LRRC8D: variants seen among roughly 807,000 people sequenced by gnomAD.
LRRC8D encodes leucine rich repeat containing 8 VRAC subunit D.
LRRC8D carries 20 observed loss-of-function variants against 55.8 expected under a neutral mutation model. The observed-to-expected ratio is 0.36, with a 90% confidence interval of 0.25 to 0.52. LRRC8D has a LOEUF of 0.52. Among genes scored for constraint, LRRC8D ranks in the 20% least tolerant of loss-of-function variants. The pLI is 0.93. For synonymous variants in LRRC8D, 352 were observed against 377.0 expected (o/e 0.93, Z 0.77); for missense variants, 651 against 1,030.8 (o/e 0.63, Z 5.05).
chr1:89,922,801 G>A (rs1424028360), intron 2 of LRRC8D, among the ~76,000 whole-genome samples: 3 of 152,294 alleles, frequency 2.0e-5, no homozygotes, highest in Middle Eastern at 3.4e-3. Flanking sequence ...TATTTCTGTT[G>A]AAAGGCAGTT....
intron 2 of LRRC8D, among the ~76,000 whole-genome samples, chr1:89,892,462 T>C (rs1662601727): frequency 6.6e-6 from 1 of 152,184 alleles, no homozygotes; most frequent in South Asian, 2.1e-4. Context: ...TATTTAGCAC[T>C]CTAGGTGCAG....
At chr1:89,908,529 G>A (rs1197605287) in intron 2 of LRRC8D, among the ~76,000 whole-genome samples, 3 of 152,128 alleles carry the variant, frequency 2.0e-5, no homozygotes, top group African/African-American at 4.8e-5. Context: ...TGTGTGTTTA[G>A]GTCCTCAGGT....
intron 2 of LRRC8D, among the ~76,000 whole-genome samples, chr1:89,862,760 T>A (rs777674579): frequency 2.6e-5 from 4 of 152,224 alleles, no homozygotes; most frequent in Non-Finnish European, 5.9e-5. Flanking sequence ...GTCTTTTTTT[T>A]ACATTTCCTG....
At chr1:89,888,188 G>C (rs763416722) in intron 2 of LRRC8D, among the ~76,000 whole-genome samples, 1 of 152,128 alleles carries the variant, frequency 6.6e-6, no homozygotes, top group Non-Finnish European at 1.5e-5. Flanking sequence ...AATGAAAAAG[G>C]GTTACCGACT....
intron 2 of LRRC8D, among the ~76,000 whole-genome samples, chr1:89,919,908 G>A (rs1663369521): frequency 6.6e-6 from 1 of 152,118 alleles, no homozygotes; most frequent in African/African-American, 2.4e-5. Flanking sequence ...ACACTAAGTG[G>A]GGTCTATAGA....
intron 2 of LRRC8D, among the ~76,000 whole-genome samples, chr1:89,901,748 T>G (rs1383419768): frequency 6.6e-6 from 1 of 152,220 alleles, no homozygotes; most frequent in Admixed American, 6.5e-5. Context: ...AATAAAGCCG[T>G]GATCATGAGA....
intron 2 of LRRC8D, among the ~76,000 whole-genome samples, chr1:89,887,588 A>C (rs531517815): frequency 6.6e-6 from 1 of 152,350 alleles, no homozygotes; most frequent in African/African-American, 2.4e-5. Context: ...TAACTAAACT[A>C]GTTATCTTTC....
intron 2 of LRRC8D, among the ~76,000 whole-genome samples, chr1:89,852,106 A>G (rs960287576): frequency 6.6e-6 from 1 of 152,138 alleles, no homozygotes; most frequent in East Asian, 1.9e-4. Flanking sequence ...ACAAAGTCTG[A>G]TAAAATCATA....
chr1:89,855,670 A>C (rs1661534649), intron 2 of LRRC8D, among the ~76,000 whole-genome samples: 1 of 152,146 alleles, frequency 6.6e-6, no homozygotes. Flanking sequence ...TTGCCTCTCC[A>C]CCTCTTTGCT....
intron 2 of LRRC8D, among the ~76,000 whole-genome samples, chr1:89,882,102 T>A (rs1662299456): frequency 6.6e-6 from 1 of 152,192 alleles, no homozygotes; most frequent in Non-Finnish European, 1.5e-5. Context: ...TTTCTGGTTG[T>A]ATGCTGCCTA....
chr1:89,900,313 A>G (rs1476695891), intron 2 of LRRC8D, among the ~76,000 whole-genome samples: 1 of 152,144 alleles, frequency 6.6e-6, no homozygotes, highest in Non-Finnish European at 1.5e-5. Flanking sequence ...TGTTTTATTC[A>G]ATTCTTGCTT....
chr1:89,925,900 A>T (rs1663551424), intron 2 of LRRC8D, among the ~76,000 whole-genome samples: 1 of 152,240 alleles, frequency 6.6e-6, no homozygotes. Flanking sequence ...GCCTATACTT[A>T]ACATCCATGC....
At chr1:89,837,790 C>T (rs983381499) in intron 1 of LRRC8D, among the ~76,000 whole-genome samples, 1 of 152,102 alleles carries the variant, frequency 6.6e-6, no homozygotes, top group Non-Finnish European at 1.5e-5. Context: ...TGCTATTTGC[C>T]TTGGCTATTC....
At chr1:89,882,820 C>T (rs955141215) in intron 2 of LRRC8D, among the ~76,000 whole-genome samples, 18 of 152,098 alleles carry the variant, frequency 1.2e-4, no homozygotes, top group Admixed American at 2.0e-4. Flanking sequence ...ACTAGATGGC[C>T]GTTCCATATG....
chr1:89,842,104 TC>T (rs1661148392), intron 1 of LRRC8D, among the ~76,000 whole-genome samples: 1 of 151,364 alleles, frequency 6.6e-6, no homozygotes, highest in Non-Finnish European at 1.5e-5. Flanking sequence ...TTTAAGCTTC[TC>T]GGGAGGCTGA....
chr1:89,828,868 G>T (rs1047366075), intron 1 of LRRC8D, among the ~76,000 whole-genome samples: 1 of 152,022 alleles, frequency 6.6e-6, no homozygotes, highest in South Asian at 2.1e-4. Flanking sequence ...TCTTAGCATC[G>T]ACAGATAGCC....
intron 1 of LRRC8D, among the ~76,000 whole-genome samples, chr1:89,835,839 A>G (rs1016545966): frequency 1.3e-5 from 2 of 152,188 alleles, no homozygotes; most frequent in African/African-American, 4.8e-5. Flanking sequence ...TTCTGCAGAT[A>G]CCTAAAGGTA....
At chr1:89,868,937 C>T (rs1022772881) in intron 2 of LRRC8D, among the ~76,000 whole-genome samples, 13 of 152,118 alleles carry the variant, frequency 8.5e-5, no homozygotes, top group African/African-American at 3.1e-4. Context: ...GACAGAATCT[C>T]ACTCTTTCGC....
chr1:89,895,079 C>T (rs10922740), intron 2 of LRRC8D, among the ~76,000 whole-genome samples: 20,221 of 151,962 alleles, frequency 0.13, 1,493 homozygotes, highest in Non-Finnish European at 0.17. Context: ...TAACTGACTC[C>T]TGTACTTGCT....
Sources: allele counts gnomAD v4.1 joint callset (sites outside exome capture counted in the v4.1 genomes callset), GRCh38; gene constraint gnomAD v4.1.1; transcripts MANE v1.5; gene names NCBI Gene and HGNC (gene_info 2026-07-23, HGNC 2026-07-21).